Variants in DARS2 observed in about 807,000 individuals in gnomAD.
The protein encoded by DARS2 is aspartate--tRNA ligase, mitochondrial.
DARS2 carries 63 observed loss-of-function variants against 83.0 expected under a neutral mutation model. That is an observed-to-expected ratio of 0.76 (90% confidence interval 0.62 to 0.94). The LOEUF is 0.94. Ranked by LOEUF, DARS2 falls within the 40% of genes least tolerant of loss-of-function variation. DARS2 has a pLI of 0.00. For synonymous variants in DARS2, 250 were observed against 269.3 expected, an observed-to-expected ratio of 0.93 and a Z score of 0.70; for missense variants, 675 against 774.4, an observed-to-expected ratio of 0.87 and a Z score of 1.52.
chr1:173,835,152 A>G (rs1272489754), intron 7 of DARS2, among the ~76,000 whole-genome samples: 1 of 151,024 alleles, frequency 6.6e-6, no homozygotes, highest in African/African-American at 2.4e-5. Context: ...TTTTTTAGAC[A>G]GTCTCGTTCT....
chr1:173,843,165 G>T (rs1653294239), intron 11 of DARS2, among the ~76,000 whole-genome samples: 1 of 152,028 alleles, frequency 6.6e-6, no homozygotes, highest in South Asian at 2.1e-4. Flanking sequence ...ATGATATGTG[G>T]CATATGGGAG....
At chr1:173,836,302 G>A (rs1653002931) in intron 7 of DARS2, among the ~76,000 whole-genome samples, 1 of 151,896 alleles carries the variant, frequency 6.6e-6, no homozygotes, top group Non-Finnish European at 1.5e-5. Flanking sequence ...AGCACTTTGG[G>A]AGGCCAAGGC....
chr1:173,857,756 T>C lies in DARS2; in HGVS notation c.*51T>C. ...AGCTTTTAGGTTTTGTCCTCTTTGC[T>C]TCCCCAAGGCTAAAGTCAGATCTAG... On this transcript the variant is annotated 3_prime_UTR_variant, in exon 17 of 17. Coordinates refer to ENST00000649689, the MANE Select transcript of DARS2 (RefSeq NM_018122.5). 6.2e-7 allele frequency: 1 copy of C among 1,600,796 alleles called. No homozygotes were observed. The highest frequency in any genetic ancestry group is 8.6e-7 in the Non-Finnish European group (1 of 1,168,910).
Position 173,858,441 on chromosome 1 carries a change from T to C in DARS2, c.*736T>C, listed in dbSNP as rs1653930852. On this transcript the variant is annotated 3_prime_UTR_variant, in exon 17 of 17. Transcript: ENST00000649689. The stretch of plus-strand genomic sequence containing the variant: ...AAAACTATAAAGCATTCCACAAATA[T>C]GAGATGATGGTATTATCCATCCATA... The C allele has an allele frequency of 6.6e-6, 1 of 152,200 alleles. No homozygotes were observed. The highest frequency in any genetic ancestry group is 2.4e-5 in the African/African-American group (1 of 41,432). The allele number at this position is 152,200 out of a possible 1,614,324, so 9.4% of individuals were successfully genotyped here.
chr1:173,833,257 AC>A (rs1427774051), intron 5 of DARS2, 118 bp from the exon 6 acceptor site: 1 of 816,176 alleles, frequency 1.2e-6, no homozygotes. Flanking sequence ...ACAGTGGGCT[AC>A]TTAATGATAG....
intron 13 of DARS2, 125 bp downstream of exon 13, chr1:173,850,604 T>A: frequency 1.5e-4 from 125 of 851,302 alleles, no homozygotes; most frequent in Non-Finnish European, 1.9e-4. Flanking sequence ...TCTGCATAAA[T>A]CTTTTTTTTT....
chr1:173,852,335 C>T (rs1220886437), intron 13 of DARS2: 1 of 720,348 alleles, frequency 1.4e-6, no homozygotes, highest in African/African-American at 1.9e-5. Context: ...CTCATTTAAT[C>T]CTCATGCCAA....
At chr1:173,850,885 G>A (rs773722283) in intron 13 of DARS2, among the ~76,000 whole-genome samples, 20 of 151,966 alleles carry the variant, frequency 1.3e-4, no homozygotes, top group African/African-American at 3.6e-4. Context: ...GATTACAGGC[G>A]TGAGCCACCG....
At position 173,826,779 on chromosome 1, in the gene DARS2, T is replaced by A. The variant is rs547544541; in HGVS notation, c.220T>A (p.Tyr74Asn). 3 of 1,610,370 alleles carry A rather than the reference T, an allele frequency of 1.9e-6. No individual in the cohort carries two copies. In the South Asian group the frequency reaches 3.3e-5, roughly 18 times the overall value. ...AGTCACCTTGTGTGGATGGATTCAGTACCGAAGGTAAATTGAGAAAGACAG... is the reference window on the plus strand; with the variant it reads ...AGTCACCTTGTGTGGATGGATTCAGAACCGAAGGTAAATTGAGAAAGACAG... ...QEVTLCGWIQ[Y>N]RRQNTFLVLR... is the part of the protein sequence containing the mutation. The change falls in exon 2 of 17, where the codon TAC (tyrosine) becomes AAC (asparagine). Residue 74 changes from tyrosine to asparagine, a missense_variant. Transcript: ENST00000649689.
chr1:173,847,471 T>G (rs1653479601), intron 12 of DARS2, among the ~76,000 whole-genome samples: 1 of 152,154 alleles, frequency 6.6e-6, no homozygotes, highest in African/African-American at 2.4e-5. Context: ...TTCTTTTTCT[T>G]TCCTAATTTC....
At chr1:173,834,753 TTTTTGGTTTGTTTTG>T (rs1652927943) in intron 7 of DARS2, among the ~76,000 whole-genome samples, 1 of 135,664 alleles carries the variant, frequency 7.4e-6, no homozygotes, top group Non-Finnish European at 1.6e-5. Flanking sequence ...TTTTTTTTTT[TTTTTGGTTTGTTTTG>T]GGTTTTTTTT....
rs962237218 is a variant in DARS2 at position 173,851,903 on chromosome 1, AAATG to A, written c.1344+1427_1344+1430del. The A allele has an allele frequency of 4.1e-6, 4 of 985,266 alleles. No individual in the cohort carries two copies. In the African/African-American group the frequency reaches 7.0e-5, roughly 17 times the overall value. 61.0% of individuals were successfully genotyped at this position (985,266 alleles called of 1,614,324 possible). ...CGTCTCCCCTTCCCCTACAATAGTAAAATGAAGAAAGCTATTTATTTCCAAATTT... is the reference window on the plus strand; with the variant it reads ...CGTCTCCCCTTCCCCTACAATAGTAAAAGAAAGCTATTTATTTCCAAATTT... On this transcript the variant is annotated intron_variant, in intron 13 of 16. Coordinates refer to ENST00000649689, the MANE Select transcript of DARS2 (RefSeq NM_018122.5).
Position 173,833,504 on chromosome 1 carries a change from G to A in DARS2, c.616+5G>A, listed in dbSNP as rs969540170. ...AATATCTCTGTAATCTGCATGGTAAGAGAAATGCCTGGATGCTCTTTGGAG... is the reference window on the plus strand; with the variant it reads ...AATATCTCTGTAATCTGCATGGTAAAAGAAATGCCTGGATGCTCTTTGGAG... On this transcript the variant is annotated splice_donor_5th_base_variant and intron_variant, in intron 6 of 16. Transcript: ENST00000649689. 6.8e-6 allele frequency: 11 copies of A among 1,614,130 alleles called. No homozygotes were observed. The highest frequency in any genetic ancestry group is 9.3e-6 in the Non-Finnish European group (11 of 1,180,014).
At chr1:173,856,762 T>C in intron 16 of DARS2, 21 bp downstream of exon 16, 1 of 1,602,190 alleles carries the variant, frequency 6.2e-7, no homozygotes, top group Non-Finnish European at 8.6e-7. Flanking sequence ...TTTCCTTTTA[T>C]AAGATAAACT....
intron 8 of DARS2, 42 bp from the exon 9 acceptor site, chr1:173,838,148 T>C: frequency 6.7e-7 from 1 of 1,499,808 alleles, no homozygotes; most frequent in South Asian, 1.1e-5. Context: ...GTGTATGTCT[T>C]CCTAGAATCA....
chr1:173,838,064 T>C (rs908892833), intron 8 of DARS2, 126 bp from the exon 9 acceptor site: 2 of 783,858 alleles, frequency 2.6e-6, no homozygotes, highest in East Asian at 2.7e-5. Flanking sequence ...TGAGCCGCCA[T>C]GCCCGGCCCT....
chr1:173,844,389 G>A (rs1477185349), intron 11 of DARS2, among the ~76,000 whole-genome samples: 1 of 152,044 alleles, frequency 6.6e-6, no homozygotes, highest in African/African-American at 2.4e-5. Flanking sequence ...AGAGCTGCAT[G>A]CCCAGCGTGG....
At chr1:173,855,262 C>G (rs1332770275) in intron 15 of DARS2, among the ~76,000 whole-genome samples, 1 of 152,086 alleles carries the variant, frequency 6.6e-6, no homozygotes, top group Non-Finnish European at 1.5e-5. Flanking sequence ...CACTAACACA[C>G]CCGGCTATTT....
intron 1 of DARS2, among the ~76,000 whole-genome samples, 199 bp downstream of exon 1, chr1:173,825,555 G>A (rs1217487953): frequency 6.6e-6 from 1 of 151,442 alleles, no homozygotes; most frequent in African/African-American, 2.4e-5. Context: ...TGCAAGCTCC[G>A]CCTCCCGGGT....
Sources: gnomAD v4.1 joint callset for allele counts (sites outside exome capture counted in the v4.1 genomes callset) on GRCh38, gnomAD v4.1.1 for gene constraint, MANE v1.5 for transcripts, NCBI Gene and HGNC (gene_info 2026-07-23, HGNC 2026-07-21) for gene names.